GABRR2: variants seen among roughly 807,000 people sequenced by gnomAD.
The protein encoded by GABRR2 is gamma-aminobutyric acid type A receptor subunit rho2, also known as gamma-aminobutyric acid receptor subunit rho-2.
A neutral mutation model predicts 47.0 loss-of-function variants in GABRR2; 36 were observed. The observed-to-expected ratio is 0.77, with a 90% confidence interval of 0.59 to 1.01. GABRR2 has a LOEUF of 1.01. Ranked by LOEUF, GABRR2 falls within the 50% of genes least tolerant of loss-of-function variation. The pLI, the probability that GABRR2 is intolerant of heterozygous loss-of-function variation, is 0.00. For missense variants in GABRR2, 587 were observed against 594.6 expected (o/e 0.99, Z 0.13); for synonymous variants, 204 against 227.5 (o/e 0.90, Z 0.93).
At chr6:89,280,781 C>A (rs1389278108) in intron 2 of GABRR2, among the ~76,000 whole-genome samples, 1 of 152,218 alleles carries the variant, frequency 6.6e-6, no homozygotes, top group African/African-American at 2.4e-5. Flanking sequence ...TGTGTGCTCC[C>A]AGTTATTATG....
intron 1 of GABRR2, among the ~76,000 whole-genome samples, chr6:89,304,696 T>C (rs1389887352): frequency 2.0e-5 from 3 of 151,562 alleles, no homozygotes; most frequent in Admixed American, 6.6e-5. Context: ...AACAGTTCAA[T>C]AACACTGATC....
At chr6:89,268,831 G>A (rs1773974530) in intron 4 of GABRR2, among the ~76,000 whole-genome samples, 180 bp downstream of exon 4, 1 of 152,210 alleles carries the variant, frequency 6.6e-6, no homozygotes. Context: ...CAGTGATGGG[G>A]AAGTTGTCCC....
intron 2 of GABRR2, among the ~76,000 whole-genome samples, chr6:89,290,735 C>T (rs1047069674): frequency 3.9e-5 from 6 of 152,172 alleles, no homozygotes; most frequent in Admixed American, 2.0e-4. Flanking sequence ...CAGGAGGTAT[C>T]GGAAGGGAGG....
intron 8 of GABRR2, 112 bp from the exon 9 acceptor site, chr6:89,258,093 C>T (rs1317581432): frequency 2.1e-5 from 21 of 996,102 alleles, no homozygotes; most frequent in Admixed American, 2.9e-5. Context: ...AAAGATAGAA[C>T]TAGAAAGATC....
intron 3 of GABRR2, among the ~76,000 whole-genome samples, chr6:89,269,591 A>G (rs1006820222): frequency 6.6e-6 from 1 of 152,254 alleles, no homozygotes; most frequent in African/African-American, 2.4e-5. Context: ...CCCATTGGCT[A>G]ACCATTCCAT....
chr6:89,272,621 TG>T (rs1233354642), intron 2 of GABRR2, among the ~76,000 whole-genome samples: 4 of 152,178 alleles, frequency 2.6e-5, no homozygotes, highest in African/African-American at 9.7e-5. Flanking sequence ...GCAAGTCAGG[TG>T]CAGCTGGGCT....
At chr6:89,286,824 G>A (rs1774341092) in intron 2 of GABRR2, among the ~76,000 whole-genome samples, 1 of 152,168 alleles carries the variant, frequency 6.6e-6, no homozygotes, top group Non-Finnish European at 1.5e-5. Context: ...ATGGTGTCAG[G>A]TTGCGGCTTG....
intron 2 of GABRR2, among the ~76,000 whole-genome samples, chr6:89,280,232 ATATAT>A (rs1774234444): frequency 1.2e-5 from 1 of 83,600 alleles, no homozygotes; most frequent in African/African-American, 4.4e-5. Flanking sequence ...ATATATATAT[ATATAT>A]ATATATATAT....
At chr6:89,305,692 G>C (rs1252164790) in intron 1 of GABRR2, among the ~76,000 whole-genome samples, 1 of 152,146 alleles carries the variant, frequency 6.6e-6, no homozygotes, top group Non-Finnish European at 1.5e-5. Context: ...ACTGGAAGGA[G>C]GAACAGAAAA....
intron 1 of GABRR2, among the ~76,000 whole-genome samples, chr6:89,303,810 C>T (rs1767504928): frequency 6.6e-6 from 1 of 152,108 alleles, no homozygotes; most frequent in South Asian, 2.1e-4. Flanking sequence ...GGCTACACAC[C>T]CACAGCCATC....
At chr6:89,295,264 A>G (rs1018265005) in intron 2 of GABRR2, among the ~76,000 whole-genome samples, 1 of 152,208 alleles carries the variant, frequency 6.6e-6, no homozygotes, top group African/African-American at 2.4e-5. Context: ...CCAACAGTGT[A>G]AAAGTGTTCC....
chr6:89,292,828 T>TCATATATTATATA (rs1562380006), intron 2 of GABRR2, among the ~76,000 whole-genome samples: 4 of 38,246 alleles, frequency 1.0e-4, no homozygotes, highest in South Asian at 7.7e-4. Context: ...ATCGTATATA[T>TCATATATTATATA]CGTATATACG....
intron 4 of GABRR2, 130 bp from the exon 5 acceptor site, chr6:89,268,226 G>A (rs1773954795): frequency 1.4e-6 from 1 of 707,656 alleles, no homozygotes; most frequent in Admixed American, 2.1e-5. Context: ...TTTGGAAACA[G>A]TTATCTGAGT....
Position 89,257,455 on chromosome 6 carries a change from C to G in GABRR2, c.*215G>C. On this transcript the variant is annotated 3_prime_UTR_variant, in exon 9 of 9. Transcript: ENST00000402938. ...GGTCCCAGAGAGATGTGAAGTGTGA[C>G]GCGAGACAGCATGAACATGGAGCAG... 1 of 572,314 alleles carries G rather than the reference C, an allele frequency of 1.7e-6. No individual in the cohort carries two copies. Among genetic ancestry groups the G allele is most frequent in the South Asian group, 2.2e-5 (1 of 45,666 alleles). 35.5% of individuals were successfully genotyped at this position (572,314 alleles called of 1,614,324 possible).
intron 1 of GABRR2, among the ~76,000 whole-genome samples, chr6:89,308,468 G>C (rs989324583): frequency 6.6e-6 from 1 of 152,094 alleles, no homozygotes; most frequent in Non-Finnish European, 1.5e-5. Flanking sequence ...CCTCAGTGGA[G>C]TGTGATAATA....
intron 8 of GABRR2, among the ~76,000 whole-genome samples, chr6:89,261,401 T>C (rs1441700007): frequency 6.6e-6 from 1 of 152,210 alleles, no homozygotes; most frequent in Non-Finnish European, 1.5e-5. Flanking sequence ...GCCCCCAAAC[T>C]GATGAACTGA....
intron 2 of GABRR2, among the ~76,000 whole-genome samples, chr6:89,286,952 C>T (rs1388249778): frequency 6.6e-6 from 1 of 152,148 alleles, no homozygotes; most frequent in Non-Finnish European, 1.5e-5. Context: ...TCCTGTACCC[C>T]ATCCCATTTC....
chr6:89,301,870 A>G, intron 1 of GABRR2: 1 of 1,146,866 alleles, frequency 8.7e-7, no homozygotes, highest in South Asian at 1.2e-5. Context: ...TGAGCATGGC[A>G]TAGACCCCAG....
chr6:89,312,039 G>C (rs1401515428), intron 1 of GABRR2, among the ~76,000 whole-genome samples: 2 of 152,240 alleles, frequency 1.3e-5, no homozygotes, highest in Non-Finnish European at 2.9e-5. Context: ...GGTAGGGGTA[G>C]TGAGGAGGCA....
Sources: gnomAD v4.1 joint callset for allele counts (sites outside exome capture counted in the v4.1 genomes callset) on GRCh38, gnomAD v4.1.1 for gene constraint, MANE v1.5 for transcripts, NCBI Gene and HGNC (gene_info 2026-07-23, HGNC 2026-07-21) for gene names.